Variants in LRRC49 observed in about 807,000 individuals in gnomAD.
LRRC49 encodes leucine-rich repeat-containing protein 49.
LRRC49 carries 50 observed loss-of-function variants against 83.3 expected under a neutral mutation model. The ratio of observed to expected loss-of-function variants is 0.60; its 90% confidence interval spans 0.48 to 0.76. The LOEUF (loss-of-function observed/expected upper bound fraction) is 0.76, where lower values mean the gene tolerates loss of function less well. LRRC49 is among the 30% of genes least tolerant of loss of function. The pLI is 0.00. For synonymous variants in LRRC49, 286 were observed against 283.3 expected (o/e 1.01, Z -0.10); for missense variants, 704 against 809.1 (o/e 0.87, Z 1.58).
intron 14 of LRRC49, among the ~76,000 whole-genome samples, chr15:71,015,153 C>G (rs930031578): frequency 6.6e-6 from 1 of 152,010 alleles, no homozygotes; most frequent in Admixed American, 6.6e-5. Context: ...CACAAGCTTC[C>G]AGAAAACAAA....
rs75398041 is a variant in LRRC49 at position 70,907,731 on chromosome 15, C to T, written c.500+2976C>T. ...GGCATCAGTAACATAATGTGGCCTG[C>T]GGAGACAGGCTGTGATATATCCCTA... On this transcript the variant is annotated intron_variant, in intron 5 of 15. Coordinates refer to ENST00000260382, the MANE Select transcript of LRRC49 (RefSeq NM_017691.5). 1.9e-3 allele frequency: 582 copies of T among 298,880 alleles called. 11 individuals are homozygous for T. In the East Asian group the frequency reaches 0.041, roughly 21 times the overall value. 18.5% of individuals were successfully genotyped at this position (298,880 alleles called of 1,614,324 possible).
chr15:70,891,370 A>ATCT (rs1270994110), upstream of LRRC49, among the ~76,000 whole-genome samples: 2 of 152,168 alleles, frequency 1.3e-5, no homozygotes, highest in African/African-American at 4.8e-5. Flanking sequence ...AAGCTCCATC[A>ATCT]TCTTCATCTG....
intron 5 of LRRC49, among the ~76,000 whole-genome samples, chr15:70,910,394 C>T (rs2034502706): frequency 6.6e-6 from 1 of 151,946 alleles, no homozygotes; most frequent in Admixed American, 6.6e-5. Context: ...CACATATATA[C>T]ACACTATATA....
At chr15:71,044,752 C>T (rs2039801493) in intron 15 of LRRC49, among the ~76,000 whole-genome samples, 1 of 151,962 alleles carries the variant, frequency 6.6e-6, no homozygotes, top group Non-Finnish European at 1.5e-5. Context: ...TGCCACTGCA[C>T]TCTAGCCTGG....
chr15:70,923,165 G>T (rs1310647519), intron 7 of LRRC49, among the ~76,000 whole-genome samples: 1 of 151,950 alleles, frequency 6.6e-6, no homozygotes, highest in Admixed American at 6.6e-5. Context: ...TTATTTAGAA[G>T]TACACCTTAA....
intron 2 of LRRC49, chr15:70,881,754 TTCTAA>T (rs1390309108): frequency 2.0e-5 from 3 of 152,230 alleles, no homozygotes; most frequent in African/African-American, 7.2e-5. Flanking sequence ...ATGTTAATGA[TTCTAA>T]TCTAAATTAA....
chr15:70,960,505 A>C (rs968949011), intron 8 of LRRC49, among the ~76,000 whole-genome samples: 1 of 152,232 alleles, frequency 6.6e-6, no homozygotes, highest in African/African-American at 2.4e-5. Context: ...TAAGTGTTTA[A>C]ATCATTTCAA....
chr15:70,887,544 G>C (rs1389658683), upstream of LRRC49, among the ~76,000 whole-genome samples: 3 of 152,018 alleles, frequency 2.0e-5, no homozygotes, highest in Non-Finnish European at 1.5e-5. Flanking sequence ...ACAACCATTT[G>C]ATAAAATTCA....
intron 15 of LRRC49, among the ~76,000 whole-genome samples, chr15:71,042,780 G>T (rs1005546210): frequency 1.3e-5 from 2 of 152,076 alleles, no homozygotes; most frequent in African/African-American, 4.8e-5. Flanking sequence ...GATTTAAGAT[G>T]GACATAGAAT....
chr15:70,991,638 C>T (rs751239), intron 11 of LRRC49, among the ~76,000 whole-genome samples: 44,484 of 152,072 alleles, frequency 0.29, 7,869 homozygotes, highest in Non-Finnish European at 0.39. Flanking sequence ...TCTATGGATG[C>T]AGAACCCACT....
chr15:70,973,590 A>G (rs1036848397), intron 9 of LRRC49, among the ~76,000 whole-genome samples: 6 of 152,140 alleles, frequency 3.9e-5, no homozygotes, highest in Non-Finnish European at 5.9e-5. Context: ...CACAACCGCC[A>G]CTTCCCCCAG....
intron 8 of LRRC49, among the ~76,000 whole-genome samples, chr15:70,950,713 T>G (rs1380659200): frequency 6.6e-6 from 1 of 152,242 alleles, no homozygotes; most frequent in East Asian, 1.9e-4. Flanking sequence ...GTAGGTTGTC[T>G]GTTTACTCTG....
In LRRC49 at chr15:70,934,985, G is replaced by T. The variant is rs112555115; in HGVS notation, c.712-1776G>T. ...GCTGCCATTTCCTTTGGAAACTAGG[G>T]CCCTGGAGTGAAATGAGCCCTACCA... is the stretch of plus-strand genomic sequence containing the variant. On this transcript the variant is annotated intron_variant, in intron 7 of 15. Transcript: ENST00000260382. Among the ~76,000 whole-genome samples the T allele has an allele frequency of 5.7e-3, 864 of 152,228 alleles. 10 individuals carry two copies. Among genetic ancestry groups the T allele is most frequent in the African/African-American group, 0.019 (771 of 41,538 alleles).
At chr15:70,863,754 C>T (rs964682070) in intron 1 of LRRC49, among the ~76,000 whole-genome samples, 2 of 152,202 alleles carry the variant, frequency 1.3e-5, no homozygotes, top group Non-Finnish European at 2.9e-5. Context: ...CCTCTGTGGT[C>T]ATGTATCTGA....
At chr15:70,948,820 T>G (rs182103032) in intron 8 of LRRC49, among the ~76,000 whole-genome samples, 47 of 152,262 alleles carry the variant, frequency 3.1e-4, no homozygotes, top group Admixed American at 2.4e-3. Context: ...CTGGGCCATC[T>G]CAGTGGATAG....
chr15:71,038,457 A>T (rs889672088), intron 15 of LRRC49, among the ~76,000 whole-genome samples: 1 of 152,098 alleles, frequency 6.6e-6, no homozygotes, highest in African/African-American at 2.4e-5. Flanking sequence ...GTTTCATTTG[A>T]TTGGGTCTTC....
intron 7 of LRRC49, among the ~76,000 whole-genome samples, chr15:70,927,101 G>A (rs2035231330): frequency 6.6e-6 from 1 of 152,158 alleles, no homozygotes; most frequent in African/African-American, 2.4e-5. Flanking sequence ...TGGAGAGGAT[G>A]TGGAGAAACT....
intron 8 of LRRC49, among the ~76,000 whole-genome samples, chr15:70,947,446 C>G (rs2036049418): frequency 6.6e-6 from 1 of 151,968 alleles, no homozygotes; most frequent in Admixed American, 6.6e-5. Flanking sequence ...GAGTGTATAA[C>G]CTAATGACAG....
At position 71,049,077 on chromosome 15, in the gene LRRC49, T is replaced by G. The variant is rs541324373; in HGVS notation, c.1858-332T>G. Among the ~76,000 whole-genome samples the G allele has an allele frequency of 4.2e-4, 64 of 152,344 alleles. 2 individuals are homozygous for G. The South Asian group carries it at 0.013, about 30-fold the overall frequency. On this transcript the variant is annotated intron_variant, in intron 15 of 15. Coordinates refer to ENST00000260382, the MANE Select transcript of LRRC49 (RefSeq NM_017691.5). ...TACCACAGGAATCTGTGAGTCTGCATTCAGCTGACTTGTGTGAGCTAAATG... is the reference window on the plus strand; with the variant it reads ...TACCACAGGAATCTGTGAGTCTGCAGTCAGCTGACTTGTGTGAGCTAAATG...
Sources: allele counts gnomAD v4.1 joint callset (sites outside exome capture counted in the v4.1 genomes callset), GRCh38; gene constraint gnomAD v4.1.1; transcripts MANE v1.5; gene names NCBI Gene and HGNC (gene_info 2026-07-23, HGNC 2026-07-21).